The following MFSD12 variants were observed in gnomAD, a reference collection of about 807,000 sequenced individuals.
MFSD12 encodes major facilitator superfamily domain-containing protein 12.
MFSD12 carries 67 observed loss-of-function variants against 51.2 expected under a neutral mutation model. The observed-to-expected ratio is 1.31, with a 90% CI of 1.08 to 1.60. The LOEUF (loss-of-function observed/expected upper bound fraction) is 1.60. Among genes scored for constraint, MFSD12 ranks in the 40% most tolerant of loss-of-function variants. The pLI, the probability that MFSD12 is intolerant of heterozygous loss-of-function variation, is 0.00. For missense variants in MFSD12, 921 were observed against 673.0 expected, an observed-to-expected ratio of 1.37 and a Z score of -4.08; for synonymous variants, 441 against 316.7, an observed-to-expected ratio of 1.39 and a Z score of -4.17.
chr19:3,552,448 G>A (rs1311104643), intron 1 of MFSD12, among the ~76,000 whole-genome samples: 5 of 132,662 alleles, frequency 3.8e-5, no homozygotes, highest in East Asian at 2.3e-4. Flanking sequence ...GATTACAGGC[G>A]TGAGCCACCG....
At chr19:3,542,381 G>C (rs191749817), downstream of MFSD12, 289 of 985,436 alleles carry the variant, frequency 2.9e-4, no homozygotes, top group African/African-American at 4.7e-3. Context: ...AACCCTGCTA[G>C]ACTGTCTTGG....
chr19:3,541,333 CAAAAAA>C (rs899637037), downstream of MFSD12, among the ~76,000 whole-genome samples: 1 of 142,072 alleles, frequency 7.0e-6, no homozygotes, highest in Non-Finnish European at 1.5e-5. Flanking sequence ...AAGACTGTCT[CAAAAAA>C]AAAAAGAGGG....
chr19:3,538,596 T>C (rs2030090285), exon 5 of MFSD12: 1 of 432,642 alleles, frequency 2.3e-6, no homozygotes, highest in Non-Finnish European at 4.8e-6. Context: ...GCATCCGCAC[T>C]GTGGCCTGGG....
chr19:3,538,944 G>A (rs745791142), intron 4 of MFSD12: 2 of 645,732 alleles, frequency 3.1e-6, no homozygotes, highest in Middle Eastern at 4.1e-4. Context: ...AGAGCTGGGG[G>A]CTCAGGGCCA....
rs991900183 is a variant in MFSD12 at position 3,544,231 on chromosome 19, T to C, written c.*479A>G. On this transcript the variant is annotated 3_prime_UTR_variant, in exon 10 of 10. Coordinates refer to ENST00000355415, the MANE Select transcript of MFSD12 (RefSeq NM_174983.5). ...ATCTCTTTATTTGCTGCCAGCAGAG[T>C]CCACCAAGCCTGCCGGGCAGCCCTG... The C allele has an allele frequency of 1.1e-4, 139 of 1,304,388 alleles. No individual in the cohort carries two copies. Among genetic ancestry groups the C allele is most frequent in the Non-Finnish European group, 1.3e-4 (136 of 1,027,476 alleles). The allele number at this position is 1,304,388 out of a possible 1,614,324, so 80.8% of individuals were successfully genotyped here. A position where few individuals can be genotyped will look rare whatever the true frequency, so the allele number is the denominator to read the frequency against.
chr19:3,557,038 G>A (rs938017683), intron 1 of MFSD12, 68 bp downstream of exon 1: 18 of 1,368,582 alleles, frequency 1.3e-5, no homozygotes, highest in East Asian at 2.9e-5. Flanking sequence ...TGAGTCAGAG[G>A]GAGGAGGCGC....
chr19:3,545,543 C>T (rs1195831622), intron 8 of MFSD12, among the ~76,000 whole-genome samples: 2 of 152,252 alleles, frequency 1.3e-5, no homozygotes, highest in Non-Finnish European at 2.9e-5. Flanking sequence ...GTGTCAGGGC[C>T]ACGTCACCTC....
Position 3,544,509 on chromosome 19 carries a change from C to T in MFSD12, c.*201G>A, listed in dbSNP as rs563029664. 7.1e-7 allele frequency: 1 copy of T among 1,402,204 alleles called. No individual in the cohort carries two copies. Among genetic ancestry groups the T allele is most frequent in the African/African-American group, 1.4e-5 (1 of 69,278 alleles). The allele number at this position is 1,402,204 out of a possible 1,614,324, so 86.9% of individuals were successfully genotyped here. Reference sequence around the variant, plus strand: ...ATTAGAGTTGAGAATGGGACACCCTCAAAACCCAGGGGGTCCTTGCAAGTC... The same window carrying T: ...ATTAGAGTTGAGAATGGGACACCCTTAAAACCCAGGGGGTCCTTGCAAGTC... On this transcript the variant is annotated 3_prime_UTR_variant, in exon 10 of 10. Coordinates refer to ENST00000355415, the MANE Select transcript of MFSD12 (RefSeq NM_174983.5).
chr19:3,543,804 A>T (rs530296308), downstream of MFSD12: 150 of 1,503,948 alleles, frequency 1.0e-4, no homozygotes, highest in African/African-American at 1.7e-3. Context: ...GTGGGGGCAC[A>T]TGGTGACCCG....
downstream of MFSD12, chr19:3,539,562 C>T (rs1041057283): frequency 1.9e-4 from 75 of 389,214 alleles, no homozygotes; most frequent in Non-Finnish European, 1.9e-4. Context: ...CAGGCCTGTG[C>T]GGGGCTGGGC....
At chr19:3,543,213 TCTGCCCC>T (rs933252160), downstream of MFSD12, 10 of 1,537,976 alleles carry the variant, frequency 6.5e-6, no homozygotes, top group Non-Finnish European at 8.7e-6. Flanking sequence ...GGGCTCAGTC[TCTGCCCC>T]CTGCCCACCC....
chr19:3,543,649 G>T (rs2030651640), downstream of MFSD12: 3 of 1,543,578 alleles, frequency 1.9e-6, no homozygotes, highest in Admixed American at 2.0e-5. Flanking sequence ...GCGCGCTGTG[G>T]AAAGACAGGC....
At position 3,546,290 on chromosome 19, in the gene MFSD12, G is replaced by C; in HGVS notation, c.1159C>G (p.Leu387Val). ...CCGATGAGGTCGGCCGTCATGGCCAGCGAGGTGACGAGGATGGTGGCACAG... is the reference window on the plus strand; with the variant it reads ...CCGATGAGGTCGGCCGTCATGGCCACCGAGGTGACGAGGATGGTGGCACAG... ...AGCATILVTS[L>V]AMTADLIGPH... The change falls in exon 7 of 10, where the codon CTG becomes GTG. Residue 387 changes from leucine to valine, a missense_variant. Coordinates refer to ENST00000355415, the MANE Select transcript of MFSD12 (RefSeq NM_174983.5). The C allele has an allele frequency of 1.2e-6, 2 of 1,610,368 alleles. No homozygotes were observed. Among genetic ancestry groups the C allele is most frequent in the African/African-American group, 1.3e-5 (1 of 75,042 alleles).
At chr19:3,538,352 TCAC>T (rs1179905739) in exon 5 of MFSD12, 1 of 222,892 alleles carries the variant, frequency 4.5e-6, no homozygotes, top group African/African-American at 2.3e-5. Flanking sequence ...TTCAGTACCT[TCAC>T]CACGCCGTGC....
intron 2 of MFSD12, among the ~76,000 whole-genome samples, chr19:3,549,540 C>G (rs932288596): frequency 6.7e-6 from 1 of 148,788 alleles, no homozygotes; most frequent in African/African-American, 2.5e-5. Context: ...CTGGCCAAGA[C>G]GGTGAAATCC....
chr19:3,543,766 G>C, downstream of MFSD12: 8 of 1,490,180 alleles, frequency 5.4e-6, no homozygotes, highest in Non-Finnish European at 5.4e-6. Context: ...GGCGATCCAG[G>C]AGCCCCTTGC....
chr19:3,538,719 A>G (rs374843763), exon 5 of MFSD12: 14 of 476,226 alleles, frequency 2.9e-5, no homozygotes, highest in Non-Finnish European at 4.8e-5. Flanking sequence ...GGCTGTCACA[A>G]ATCGTGCTGC....
downstream of MFSD12, chr19:3,543,153 A>C (rs778454995): frequency 8.6e-6 from 13 of 1,514,438 alleles, no homozygotes; most frequent in Non-Finnish European, 1.1e-5. Context: ...CCTCTACATC[A>C]TCCACCCTGG....
At chr19:3,541,397 A>G (rs1341373834), downstream of MFSD12, among the ~76,000 whole-genome samples, 1 of 149,660 alleles carries the variant, frequency 6.7e-6, no homozygotes, top group African/African-American at 2.4e-5. Context: ...ATCTCAGCTC[A>G]CTGCAACCTC....
Sources: allele counts gnomAD v4.1 joint callset (sites outside exome capture counted in the v4.1 genomes callset), GRCh38; gene constraint gnomAD v4.1.1; transcripts MANE v1.5; gene names NCBI Gene and HGNC (gene_info 2026-07-23, HGNC 2026-07-21).